Variants in ACOT9 observed in about 807,000 individuals in gnomAD.
ACOT9 encodes the protein acyl-CoA thioesterase 9, also known as acyl-coenzyme A thioesterase 9, mitochondrial.
A neutral mutation model predicts 39.7 loss-of-function variants in ACOT9; 34 were observed. The observed-to-expected ratio is 0.86, with a 90% CI of 0.65 to 1.14. The LOEUF (loss-of-function observed/expected upper bound fraction) is 1.14, where lower values mean the gene tolerates loss of function less well. Ranked by LOEUF, ACOT9 falls within the 50% of genes most tolerant of loss-of-function variation. The pLI is 0.00. For synonymous variants in ACOT9, 110 were observed against 120.5 expected (o/e 0.91, Z 0.57); for missense variants, 313 against 344.1 (o/e 0.91, Z 0.71).
At chrX:23,715,652 T>C (rs773446872) in intron 8 of ACOT9, among the ~76,000 whole-genome samples, 6 of 111,620 alleles carry the variant, frequency 5.4e-5, no homozygotes, top group East Asian at 5.6e-4. Flanking sequence ...AGTGTCCCTG[T>C]TGAAAAATAC....
chrX:23,742,391 C>G lies in ACOT9; in HGVS notation c.20+734G>C, dbSNP rs149957555. Reference sequence around the variant, plus strand: ...CAGGTGTGAGCCCCCTGGGATGCAGCCAGGCAGAAAACTTGGAAAGGGTGG... The same window carrying G: ...CAGGTGTGAGCCCCCTGGGATGCAGGCAGGCAGAAAACTTGGAAAGGGTGG... On this transcript the variant is annotated intron_variant, in intron 1 of 15. Transcript: ENST00000379303. Among the ~76,000 whole-genome samples, 432 of 110,508 alleles carry G rather than the reference C, an allele frequency of 3.9e-3. 3 individuals are homozygous for G. The highest frequency in any genetic ancestry group is 0.013 in the African/African-American group (408 of 30,277).
chrX:23,736,164 A>T, intron 1 of ACOT9, 148 bp from the exon 2 acceptor site: 1 of 350,962 alleles, frequency 2.8e-6, no homozygotes, highest in Non-Finnish European at 4.8e-6. Context: ...AAGTATATGT[A>T]TGTTTTCATG....
chrX:23,706,612 A>G lies in ACOT9; in HGVS notation c.842+16T>C. On this transcript the variant is annotated intron_variant, in intron 11 of 15. Coordinates refer to ENST00000379303, the MANE Select transcript of ACOT9 (RefSeq NM_001037171.2). ...GGTTTAAATGTTTTCCCAACGTGGAATCTCACCATCCTTACTTTGGATCCA... is the reference window on the plus strand; with the variant it reads ...GGTTTAAATGTTTTCCCAACGTGGAGTCTCACCATCCTTACTTTGGATCCA... The G allele has an allele frequency of 9.5e-7, 1 of 1,052,022 alleles. No homozygotes were observed. The highest frequency in any genetic ancestry group is 1.3e-6 in the Non-Finnish European group (1 of 753,203). 86.7% of individuals were successfully genotyped at this position (1,052,022 alleles called of 1,213,427 possible). A position where few individuals can be genotyped will look rare whatever the true frequency, so the allele number is the denominator to read the frequency against.
chrX:23,732,562 A>G (rs749737461), intron 4 of ACOT9, among the ~76,000 whole-genome samples: 1 of 112,195 alleles, frequency 8.9e-6, no homozygotes, highest in Admixed American at 9.6e-5. Flanking sequence ...AAGAATTTAA[A>G]AATAAGTCAT....
intron 9 of ACOT9, among the ~76,000 whole-genome samples, chrX:23,709,357 C>T (rs1297259769): frequency 8.9e-6 from 1 of 112,113 alleles, no homozygotes; most frequent in African/African-American, 3.2e-5. Context: ...AGCACCACTG[C>T]ACTCCAGCCT....
rs764936252 is a variant in ACOT9, at chrX:23,740,220, C to A, written c.20+2905G>T. On this transcript the variant is annotated intron_variant, in intron 1 of 15. Coordinates refer to ENST00000379303, the MANE Select transcript of ACOT9 (RefSeq NM_001037171.2). ...CTCCCGAGTTCAAGCGATTCTCCAG[C>A]CTCAGCCTCCCGAGCAGCTGGGATT... 1.4e-3 allele frequency among the ~76,000 whole-genome samples: 156 copies of A among 108,362 alleles called. 1 individual carries two copies. The highest frequency in any genetic ancestry group is 4.9e-3 in the African/African-American group (144 of 29,655). 94.1% of individuals were successfully genotyped at this position (108,362 alleles called of 115,157 possible). A position where few individuals can be genotyped will look rare whatever the true frequency, so the allele number is the denominator to read the frequency against.
At chrX:23,727,702 T>C (rs1298889019) in intron 6 of ACOT9, among the ~76,000 whole-genome samples, 1 of 109,596 alleles carries the variant, frequency 9.1e-6, no homozygotes, top group Non-Finnish European at 1.9e-5. Context: ...CTTGTATCTA[T>C]ATTTTAAAAG....
In ACOT9 at chrX:23,703,351, C is replaced by T. The variant is rs893801157; in HGVS notation, c.*543G>A. 2.7e-5 allele frequency: 3 copies of T among 110,949 alleles called. No homozygotes were observed. The Admixed American group carries it at 2.9e-4, about 11-fold the overall frequency. The allele number at this position is 110,949 out of a possible 1,213,427, so 9.1% of individuals were successfully genotyped here. On this transcript the variant is annotated 3_prime_UTR_variant, in exon 16 of 16. Coordinates refer to ENST00000379303, the MANE Select transcript of ACOT9 (RefSeq NM_001037171.2). ...TTAATTAATTAATTTTTGAGACAGT[C>T]TCTCTCTGTCGCCCAGGCTGGAGTG... is the stretch of plus-strand genomic sequence containing the variant.
intron 6 of ACOT9, among the ~76,000 whole-genome samples, chrX:23,729,014 T>C (rs1929633117): frequency 1.8e-5 from 2 of 111,031 alleles, no homozygotes; most frequent in African/African-American, 6.6e-5. Flanking sequence ...CCTGAGTCCA[T>C]ACTGATTTAA....
rs780197745 is a variant in ACOT9 at position 23,742,012 on chromosome X, G to C, written c.20+1113C>G. On this transcript the variant is annotated intron_variant, in intron 1 of 15. Transcript: ENST00000379303. ...TCAAGAAAGGAACACAGGGTTATAAGAGAAAGCACCTGAACAAGACCATGG... is the reference window on the plus strand; with the variant it reads ...TCAAGAAAGGAACACAGGGTTATAACAGAAAGCACCTGAACAAGACCATGG... Among the ~76,000 whole-genome samples the C allele has an allele frequency of 2.1e-4, 23 of 110,900 alleles. No individual in the cohort carries two copies. The South Asian group carries it at 8.7e-3, about 42-fold the overall frequency.
chrX:23,742,209 TGAGTGAGAGAGAGA>T (rs1356712780), intron 1 of ACOT9, among the ~76,000 whole-genome samples: 1 of 56,294 alleles, frequency 1.8e-5, no homozygotes, highest in Non-Finnish European at 2.9e-5. Context: ...GAACAGTGAG[TGAGTGAGAGAGAGA>T]GAGAGAGAGA....
intron 9 of ACOT9, among the ~76,000 whole-genome samples, chrX:23,712,501 A>G (rs1472587836): frequency 9.1e-6 from 1 of 110,109 alleles, no homozygotes; most frequent in Non-Finnish European, 1.9e-5. Flanking sequence ...TATGTCTGTA[A>G]GTCTGTTTTT....
intron 1 of ACOT9, among the ~76,000 whole-genome samples, chrX:23,742,687 A>C (rs1920989545): frequency 9.0e-6 from 1 of 111,710 alleles, no homozygotes; most frequent in African/African-American, 3.2e-5. Flanking sequence ...AACAAACTTA[A>C]GTAAGAGCCG....
At chrX:23,716,829 G>A (rs1435051061) in intron 8 of ACOT9, among the ~76,000 whole-genome samples, 1 of 110,120 alleles carries the variant, frequency 9.1e-6, no homozygotes, top group Admixed American at 9.7e-5. Flanking sequence ...TGGGATCACA[G>A]GCGCACGCCA....
At chrX:23,739,602 G>C (rs955944618) in intron 1 of ACOT9, among the ~76,000 whole-genome samples, 1 of 111,063 alleles carries the variant, frequency 9.0e-6, no homozygotes, top group African/African-American at 3.3e-5. Flanking sequence ...GACCAGTGTG[G>C]GCAACATAGG....
Position 23,702,071 on chromosome X carries a change from TCACACACA to T in ACOT9, c.*1815_*1822del, listed in dbSNP as rs10694335. On this transcript the variant is annotated 3_prime_UTR_variant, in exon 16 of 16. Coordinates refer to ENST00000379303, the MANE Select transcript of ACOT9 (RefSeq NM_001037171.2). ...TGGAGCGACAGAGTGAAACTCTGTC[TCACACACA>T]CACACACACACAAAAATACTTTCCA... Among the ~76,000 whole-genome samples the T allele has an allele frequency of 1.9e-5, 2 of 105,325 alleles. No individual in the cohort carries two copies. The highest frequency in any genetic ancestry group is 3.9e-5 in the Non-Finnish European group (2 of 51,161). 91.5% of individuals were successfully genotyped at this position (105,325 alleles called of 115,157 possible).
At chrX:23,713,075 C>T in intron 9 of ACOT9, 60 bp downstream of exon 9, 1 of 966,810 alleles carries the variant, frequency 1.0e-6, no homozygotes, top group South Asian at 2.0e-5. Context: ...AGTTTTCTCT[C>T]CAGTCTTATG....
chrX:23,722,924 T>C (rs940485028), intron 6 of ACOT9, among the ~76,000 whole-genome samples, 171 bp from the exon 7 acceptor site: 3 of 111,460 alleles, frequency 2.7e-5, no homozygotes, highest in African/African-American at 9.8e-5. Context: ...AATTGAAGGA[T>C]TTGGGAGATC....
At chrX:23,705,137 T>C (rs1036616121) in intron 13 of ACOT9, 57 bp from the exon 14 acceptor site, 4 of 1,022,086 alleles carry the variant, frequency 3.9e-6, no homozygotes, top group Non-Finnish European at 5.5e-6. Context: ...TGATCTCAAT[T>C]GTTTCCTCTA....
Sources: allele counts gnomAD v4.1 joint callset (sites outside exome capture counted in the v4.1 genomes callset), GRCh38; gene constraint gnomAD v4.1.1; transcripts MANE v1.5; gene names NCBI Gene and HGNC (gene_info 2026-07-23, HGNC 2026-07-21).